Variants in GPCPD1 observed in about 807,000 individuals in gnomAD.
GPCPD1 encodes glycerophosphocholine phosphodiesterase GPCPD1.
Under a neutral mutation model 89.2 loss-of-function variants are expected in GPCPD1, and 29 were observed. The ratio of observed to expected loss-of-function variants is 0.33; its 90% confidence interval spans 0.24 to 0.44. GPCPD1 has a LOEUF of 0.44. Ranked by LOEUF, GPCPD1 falls within the 20% of genes least tolerant of loss-of-function variation. The pLI is 1.00. For synonymous variants in GPCPD1, 258 were observed against 266.3 expected, an observed-to-expected ratio of 0.97 and a Z score of 0.30; for missense variants, 594 against 808.9, an observed-to-expected ratio of 0.73 and a Z score of 3.22.
At position 5,558,794 on chromosome 20, in the gene GPCPD1, G is replaced by C; in HGVS notation, c.1558C>G (p.Pro520Ala). 2 of 1,573,804 alleles carry C rather than the reference G, an allele frequency of 1.3e-6. No homozygotes were observed. The highest frequency in any genetic ancestry group is 1.7e-6 in the Non-Finnish European group (2 of 1,157,544). The change falls in exon 18 of 20, where the codon CCG becomes GCG. Residue 520 changes from proline to alanine, a missense_variant. Transcript: ENST00000379019. Reference sequence around the variant, plus strand: ...TTTCCTTGAGTTAAAAATAGTATCGGATATTTGTTCTGCTTTTGCCGAACC... The same window carrying C: ...TTTCCTTGAGTTAAAAATAGTATCGCATATTTGTTCTGCTTTTGCCGAACC... Reference protein sequence around the residue: ...TMVRQKQNKYPILFLTQGKSE... With the variant: ...TMVRQKQNKYAILFLTQGKSE...
chr20:5,547,882 T>TA lies in GPCPD1; in HGVS notation c.1830-33dup, dbSNP rs768153791. 4.0e-6 allele frequency: 5 copies of TA among 1,245,462 alleles called. No homozygotes were observed. The East Asian group carries it at 1.2e-4, about 30-fold the overall frequency. The allele number at this position is 1,245,462 out of a possible 1,614,324, so 77.2% of individuals were successfully genotyped here. On this transcript the variant is annotated intron_variant, in intron 19 of 19. Coordinates refer to ENST00000379019, the MANE Select transcript of GPCPD1 (RefSeq NM_019593.5). ...TGAAACAAATACAAAACACATAAAA[T>TA]ACTGTAATTTTATGGTTTACCTAAG... is the stretch of plus-strand genomic sequence containing the variant.
Position 5,575,896 on chromosome 20 carries a change from G to A in GPCPD1, c.788C>T (p.Ala263Val), listed in dbSNP as rs751858462. 1.2e-6 allele frequency: 2 copies of A among 1,602,550 alleles called. No individual in the cohort carries two copies. The highest frequency in any genetic ancestry group is 1.1e-5 in the South Asian group (1 of 90,838). Residue 263 changes from alanine to valine, a missense_variant, in exon 9 of 20, where the codon GCT (alanine) becomes GTT (valine). Coordinates refer to ENST00000379019, the MANE Select transcript of GPCPD1 (RefSeq NM_019593.5). ...AATTCCAGCACTCTTTCCACTCTCA[G>A]CAATGGTGGATGATAAGAGACAAGC... ...GTACLLSSTI[A>V]ESGKSAGILT...
intron 4 of GPCPD1, among the ~76,000 whole-genome samples, chr20:5,591,436 C>A (rs562406871): frequency 6.6e-6 from 1 of 152,326 alleles, no homozygotes; most frequent in Admixed American, 6.5e-5. Context: ...TAAAGGTCAA[C>A]TGGCTTGTCC....
chr20:5,555,103 A>G (rs539540389), intron 19 of GPCPD1, among the ~76,000 whole-genome samples: 2 of 152,368 alleles, frequency 1.3e-5, no homozygotes, highest in South Asian at 4.1e-4. Context: ...TGAGGAAAGA[A>G]AATGGTTTTT....
At chr20:5,576,105 A>AT in intron 8 of GPCPD1, 127 bp from the exon 9 acceptor site, 3 of 424,786 alleles carry the variant, frequency 7.1e-6, no homozygotes, top group Non-Finnish European at 8.2e-6. Flanking sequence ...GTGTATATAT[A>AT]TATTTTTTTT....
In GPCPD1 at chr20:5,593,371, A is replaced by T. The variant is rs1424358081; in HGVS notation, c.187T>A (p.Ser63Thr). 1 of 1,599,292 alleles carries T rather than the reference A, an allele frequency of 6.3e-7. No individual in the cohort carries two copies. The highest frequency in any genetic ancestry group is 8.6e-7 in the Non-Finnish European group (1 of 1,166,876). The stretch of plus-strand genomic sequence containing the variant: ...CCTTTGAAGTAGCGATACTGAACTG[A>T]TACTCCTCTACTGAGTACAATGGTT... ...KATIVLSRGV[S>T]VQYRYFKGYF... The change falls in exon 4 of 20, where the codon TCA becomes ACA. Residue 63 changes from serine (S) to threonine (T), a missense_variant. Physicochemically the swap from Ser to Thr is moderately conservative, Grantham distance 58 (BLOSUM62 1). Transcript: ENST00000379019.
intron 12 of GPCPD1, chr20:5,567,832 G>A (rs535258978): frequency 7.1e-6 from 2 of 281,966 alleles, no homozygotes; most frequent in African/African-American, 2.2e-5. Flanking sequence ...AAGCTGTAGC[G>A]CTGAAGACAG....
In GPCPD1 at chr20:5,596,003, G is replaced by A. The variant is rs1302481807; in HGVS notation, c.147-2592C>T. Among the ~76,000 whole-genome samples, 3 of 152,090 alleles carry A rather than the reference G, an allele frequency of 2.0e-5. No homozygotes were observed. The East Asian group carries it at 5.8e-4, about 29-fold the overall frequency. On this transcript the variant is annotated intron_variant, in intron 3 of 19. Coordinates refer to ENST00000379019, the MANE Select transcript of GPCPD1 (RefSeq NM_019593.5). ...TATTTTTTTTCAAGTCCTCCCAAGTGATTCTAATGCGATCCCTGGTAAAGA... is the reference window on the plus strand; with the variant it reads ...TATTTTTTTTCAAGTCCTCCCAAGTAATTCTAATGCGATCCCTGGTAAAGA...
intron 12 of GPCPD1, among the ~76,000 whole-genome samples, chr20:5,569,182 A>G (rs1483459272): frequency 2.0e-5 from 3 of 150,972 alleles, no homozygotes; most frequent in African/African-American, 7.3e-5. Context: ...TTTCCTATAC[A>G]TAATATATAC....
At chr20:5,575,725 A>G in intron 9 of GPCPD1, 91 bp downstream of exon 9, 2 of 965,414 alleles carry the variant, frequency 2.1e-6, no homozygotes, top group South Asian at 3.2e-5. Context: ...CAAATTATTA[A>G]TTTCATCTTT....
At chr20:5,548,695 T>C (rs546635424) in intron 19 of GPCPD1, 4 of 192,308 alleles carry the variant, frequency 2.1e-5, no homozygotes, top group Non-Finnish European at 4.2e-5. Context: ...GAGACAAAGC[T>C]ACAACATTTT....
intron 10 of GPCPD1, chr20:5,574,184 C>T (rs145577360): frequency 1.3e-5 from 7 of 550,824 alleles, no homozygotes; most frequent in East Asian, 3.1e-5. Flanking sequence ...AGCTGAATAC[C>T]GACATGGCCA....
At chr20:5,604,263 A>C in intron 2 of GPCPD1, 101 bp downstream of exon 2, 1 of 693,360 alleles carries the variant, frequency 1.4e-6, no homozygotes, top group Non-Finnish European at 2.6e-6. Flanking sequence ...TTCATCTAAA[A>C]AATCAGGCCC....
intron 4 of GPCPD1, among the ~76,000 whole-genome samples, chr20:5,590,110 GTTT>G (rs11480339): frequency 1.3e-5 from 2 of 152,102 alleles, no homozygotes; most frequent in Non-Finnish European, 2.9e-5. Flanking sequence ...TTGGAAGTTT[GTTT>G]TTTAACAAAT....
chr20:5,600,827 T>TA (rs879662440), intron 2 of GPCPD1, among the ~76,000 whole-genome samples: 86 of 131,070 alleles, frequency 6.6e-4, no homozygotes, highest in East Asian at 1.9e-3. Flanking sequence ...GCGAGACTCT[T>TA]AAAAAAAAAA....
rs1040480274 is a variant in GPCPD1, at chr20:5,549,625, G to GATGTAAGA, written c.1830-1783_1830-1776dup. 6 of 513,132 alleles carry GATGTAAGA rather than the reference G, an allele frequency of 1.2e-5. No individual in the cohort carries two copies. The African/African-American group carries it at 1.2e-4, about 10-fold the overall frequency. 31.8% of individuals were successfully genotyped at this position (513,132 alleles called of 1,614,324 possible). On this transcript the variant is annotated intron_variant, in intron 19 of 19. Coordinates refer to ENST00000379019, the MANE Select transcript of GPCPD1 (RefSeq NM_019593.5). Reference sequence around the variant, plus strand: ...TTAATTTCCATCCAAATGTTGCTAAGATGTAAGAGAAGTCTCATTCACTGA... The same window carrying GATGTAAGA: ...TTAATTTCCATCCAAATGTTGCTAAGATGTAAGAATGTAAGAGAAGTCTCATTCACTGA...
chr20:5,577,772 C>A (rs529335158), intron 8 of GPCPD1, among the ~76,000 whole-genome samples: 3 of 152,150 alleles, frequency 2.0e-5, no homozygotes, highest in African/African-American at 7.2e-5. Context: ...CCGAGCCAGG[C>A]CCACAGCAGT....
intron 3 of GPCPD1, among the ~76,000 whole-genome samples, chr20:5,597,152 A>G (rs1287064082): frequency 1.3e-5 from 2 of 152,240 alleles, no homozygotes; most frequent in African/African-American, 2.4e-5. Context: ...AATACTATTT[A>G]CCAACAGAAC....
chr20:5,549,405 T>C (rs1985236532), intron 19 of GPCPD1: 3 of 1,201,924 alleles, frequency 2.5e-6, no homozygotes, highest in East Asian at 5.0e-5. Flanking sequence ...CCTCCAAACA[T>C]CGTGATTGGT....
Sources: allele counts gnomAD v4.1 joint callset (sites outside exome capture counted in the v4.1 genomes callset), GRCh38; gene constraint gnomAD v4.1.1; transcripts MANE v1.5; gene names NCBI Gene and HGNC (gene_info 2026-07-23, HGNC 2026-07-21).